ARHGAP24: variants seen among roughly 807,000 people sequenced by gnomAD.
The protein encoded by ARHGAP24 is Rho GTPase activating protein 24, also known as rho GTPase-activating protein 24.
ARHGAP24 carries 50 observed loss-of-function variants against 76.4 expected under a neutral mutation model. That is an observed-to-expected ratio of 0.65 (90% confidence interval 0.52 to 0.83). ARHGAP24 has a LOEUF of 0.83. Ranked by LOEUF, ARHGAP24 falls within the 40% of genes least tolerant of loss-of-function variation. The probability of loss-of-function intolerance (pLI) is 0.00; values close to 1 mark genes in which losing one functional copy is unlikely to be tolerated. For synonymous variants in ARHGAP24, 345 were observed against 323.3 expected, an observed-to-expected ratio of 1.07 and a Z score of -0.72; for missense variants, 930 against 914.2, an observed-to-expected ratio of 1.02 and a Z score of -0.22.
chr4:85,648,578 C>A (rs1456252357), intron 2 of ARHGAP24, among the ~76,000 whole-genome samples: 4 of 152,054 alleles, frequency 2.6e-5, no homozygotes, highest in Non-Finnish European at 4.4e-5. Flanking sequence ...GACTCTAAAG[C>A]AATCAAGTCA....
chr4:85,559,102 A>G (rs1402873345), intron 1 of ARHGAP24, among the ~76,000 whole-genome samples: 1 of 152,134 alleles, frequency 6.6e-6, no homozygotes, highest in African/African-American at 2.4e-5. Flanking sequence ...TGAGGAAAGG[A>G]CCCAGCTGAC....
intron 2 of ARHGAP24, among the ~76,000 whole-genome samples, chr4:85,719,015 C>G (rs887725340): frequency 2.0e-5 from 3 of 152,056 alleles, no homozygotes; most frequent in Non-Finnish European, 4.4e-5. Context: ...CATACACACA[C>G]AAATACACAT....
intron 3 of ARHGAP24, among the ~76,000 whole-genome samples, chr4:85,911,197 G>T (rs1229717880): frequency 1.3e-5 from 2 of 152,116 alleles, no homozygotes; most frequent in African/African-American, 4.8e-5. Context: ...GCCTGGTTTG[G>T]GTGGCTGCAG....
chr4:85,658,340 C>A (rs1438115010), intron 2 of ARHGAP24, among the ~76,000 whole-genome samples: 1 of 151,852 alleles, frequency 6.6e-6, no homozygotes, highest in Non-Finnish European at 1.5e-5. Context: ...TACTTTAGAC[C>A]CTGAGACAAA....
chr4:85,967,140 C>T (rs555791215), intron 5 of ARHGAP24, among the ~76,000 whole-genome samples: 1 of 152,010 alleles, frequency 6.6e-6, no homozygotes, highest in South Asian at 2.1e-4. Flanking sequence ...CTATGTTGCA[C>T]CTAGATGATA....
Position 85,535,825 on chromosome 4 carries a change from G to C in ARHGAP24, c.-20-34697G>C, listed in dbSNP as rs116239189. 5.7e-3 allele frequency among the ~76,000 whole-genome samples: 866 copies of C among 152,146 alleles called. 4 individuals carry two copies. The highest frequency in any genetic ancestry group is 0.02 in the African/African-American group (825 of 41,524). On this transcript the variant is annotated intron_variant, in intron 1 of 9. Transcript: ENST00000395184. ...TTATGGCTTTATTTTCTTCACTATT[G>C]ATGTTCTTGGAAGAGTAAAATTGCT...
chr4:85,613,126 A>C lies in ARHGAP24; in HGVS notation c.180+42405A>C, dbSNP rs530535255. On this transcript the variant is annotated intron_variant, in intron 2 of 9. Coordinates refer to ENST00000395184, the MANE Select transcript of ARHGAP24 (RefSeq NM_001025616.3). Reference sequence around the variant, plus strand: ...CTTCCTTTTTAAGTTACAGTTTACTATCCTGAAGTTGGTGTGTGCAAATGT... The same window carrying C: ...CTTCCTTTTTAAGTTACAGTTTACTCTCCTGAAGTTGGTGTGTGCAAATGT... Among the ~76,000 whole-genome samples, 12 of 152,196 alleles carry C rather than the reference A, an allele frequency of 7.9e-5. No homozygotes were observed. In the East Asian group the frequency reaches 2.3e-3, roughly 29 times the overall value.
intron 3 of ARHGAP24, among the ~76,000 whole-genome samples, chr4:85,735,257 A>G (rs1023514015): frequency 3.9e-5 from 6 of 152,154 alleles, no homozygotes; most frequent in African/African-American, 1.4e-4. Context: ...TAGTTCTCTG[A>G]GTTTATAAAA....
rs185043733 is a variant in ARHGAP24 at position 85,883,968 on chromosome 4, A to C, written c.269-39680A>C. Among the ~76,000 whole-genome samples, 39 of 152,262 alleles carry C rather than the reference A, an allele frequency of 2.6e-4. 1 individual carries two copies. The highest frequency in any genetic ancestry group is 9.8e-4 in the Admixed American group (15 of 15,290). On this transcript the variant is annotated intron_variant, in intron 3 of 9. Coordinates refer to ENST00000395184, the MANE Select transcript of ARHGAP24 (RefSeq NM_001025616.3). Reference sequence around the variant, plus strand: ...ATTTAAACCAAGAACAACAACAAAAAAATCATCCACTTAAAACTCCCATAA... The same window carrying C: ...ATTTAAACCAAGAACAACAACAAAACAATCATCCACTTAAAACTCCCATAA...
At chr4:85,609,355 G>T (rs577244035) in intron 2 of ARHGAP24, among the ~76,000 whole-genome samples, 1 of 152,142 alleles carries the variant, frequency 6.6e-6, no homozygotes, top group South Asian at 2.1e-4. Context: ...CACTGTCCTC[G>T]TCCAATTGAT....
At chr4:85,927,275 T>C (rs528935328) in intron 4 of ARHGAP24, among the ~76,000 whole-genome samples, 1 of 152,028 alleles carries the variant, frequency 6.6e-6, no homozygotes, top group Non-Finnish European at 1.5e-5. Flanking sequence ...TATGAAAGTA[T>C]AGAACAGGGA....
chr4:85,747,410 G>A (rs1030003667), intron 3 of ARHGAP24, among the ~76,000 whole-genome samples: 4 of 152,038 alleles, frequency 2.6e-5, no homozygotes, highest in African/African-American at 9.7e-5. Flanking sequence ...CATTAAAATA[G>A]CTGAAAATTG....
chr4:85,841,397 C>T (rs943763015), intron 3 of ARHGAP24, among the ~76,000 whole-genome samples: 1 of 152,298 alleles, frequency 6.6e-6, no homozygotes, highest in East Asian at 1.9e-4. Context: ...CCATTCTAAA[C>T]TTATCTTAGA....
chr4:85,500,834 T>C (rs1047847660), intron 1 of ARHGAP24, among the ~76,000 whole-genome samples: 1 of 152,138 alleles, frequency 6.6e-6, no homozygotes, highest in Non-Finnish European at 1.5e-5. Flanking sequence ...GTCATTTACA[T>C]TAGGTATTTC....
chr4:85,872,280 A>C (rs1219468487), intron 3 of ARHGAP24, among the ~76,000 whole-genome samples: 2 of 151,826 alleles, frequency 1.3e-5, no homozygotes, highest in Non-Finnish European at 2.9e-5. Flanking sequence ...AATAGAAATC[A>C]CTGAGTTTTA....
At chr4:85,860,101 T>C (rs1279736098) in intron 3 of ARHGAP24, among the ~76,000 whole-genome samples, 2 of 152,200 alleles carry the variant, frequency 1.3e-5, no homozygotes, top group African/African-American at 4.8e-5. Context: ...GAACAATTGA[T>C]TTTCTTTTTA....
chr4:85,601,672 C>A (rs1231783454), intron 2 of ARHGAP24, among the ~76,000 whole-genome samples: 2 of 152,026 alleles, frequency 1.3e-5, no homozygotes, highest in East Asian at 3.9e-4. Context: ...AGATTGTGAG[C>A]TATTGTATAC....
intron 1 of ARHGAP24, among the ~76,000 whole-genome samples, chr4:85,532,692 G>A (rs1430659170): frequency 2.0e-5 from 3 of 152,144 alleles, no homozygotes; most frequent in African/African-American, 7.2e-5. Flanking sequence ...GACAATAGTT[G>A]TTTTTACCAG....
intron 2 of ARHGAP24, among the ~76,000 whole-genome samples, chr4:85,673,266 A>G (rs1342240745): frequency 6.6e-6 from 1 of 152,126 alleles, no homozygotes; most frequent in Non-Finnish European, 1.5e-5. Flanking sequence ...ACAGCTCTTT[A>G]TCTTCCTTTA....
Sources: gnomAD v4.1 joint callset for allele counts (sites outside exome capture counted in the v4.1 genomes callset) on GRCh38, gnomAD v4.1.1 for gene constraint, MANE v1.5 for transcripts, NCBI Gene and HGNC (gene_info 2026-07-23, HGNC 2026-07-21) for gene names.